The following RNASEH2B variants were observed in gnomAD, a reference collection of about 807,000 sequenced individuals.
RNASEH2B encodes Aicardi-Goutieres syndrome 2 protein.
A neutral mutation model predicts 45.0 loss-of-function variants in RNASEH2B; 36 were observed. The observed-to-expected ratio is 0.80, with a 90% CI of 0.61 to 1.06. RNASEH2B has a LOEUF of 1.06. RNASEH2B is among the 50% of genes least tolerant of loss of function. The pLI, the probability that RNASEH2B is intolerant of heterozygous loss-of-function variation, is 0.00. For synonymous variants in RNASEH2B, 119 were observed against 125.7 expected (o/e 0.95, Z 0.35); for missense variants, 361 against 360.3 (o/e 1.00, Z -0.02).
chr13:50,914,818 A>G (rs1221491204), intron 1 of RNASEH2B, among the ~76,000 whole-genome samples: 1 of 152,232 alleles, frequency 6.6e-6, no homozygotes, highest in Non-Finnish European at 1.5e-5. Context: ...ATAAAAGGAA[A>G]GCAAGCAGTG....
In RNASEH2B at chr13:50,934,911, T is replaced by C. The variant is rs766196712; in HGVS notation, c.348T>C (p.Val116=). 1.2e-6 allele frequency: 2 copies of C among 1,613,760 alleles called. No individual in the cohort carries two copies. The highest frequency in any genetic ancestry group is 2.2e-5 in the East Asian group (1 of 44,882). The change falls in exon 5 of 11, where the codon GTT becomes GTC. Residue 116 remains valine (V), a synonymous_variant. Coordinates refer to ENST00000336617, the MANE Select transcript of RNASEH2B (RefSeq NM_024570.4). The stretch of plus-strand genomic sequence containing the variant: ...GGAAGTTTCAGCCCCTTGATCAAGT[T>C]GTGGTGGATAACGTGTTTCCAAATT... ...KEGKFQPLDQ[V]VVDNVFPNCI...
At chr13:50,936,688 A>G (rs1443594596) in intron 5 of RNASEH2B, 4 of 152,244 alleles carry the variant, frequency 2.6e-5, no homozygotes, top group Admixed American at 2.6e-4. Context: ...ACTTAATGCA[A>G]GCTGAAAATG....
chr13:50,953,832 TG>T (rs1952007171), intron 9 of RNASEH2B, 72 bp from the exon 10 acceptor site: 1 of 1,016,224 alleles, frequency 9.8e-7, no homozygotes, highest in Admixed American at 1.8e-5. Flanking sequence ...TTATACATGT[TG>T]GGTTTTTTTT....
intron 6 of RNASEH2B, among the ~76,000 whole-genome samples, chr13:50,944,523 G>A (rs149907340): frequency 0.067 from 10,241 of 152,152 alleles, 354 homozygotes; most frequent in Middle Eastern, 0.2. Flanking sequence ...AAACCTAGAT[G>A]ATGGGTTGAT....
chr13:50,910,048 C>T lies in RNASEH2B; in HGVS notation c.-29C>T. 6.8e-7 allele frequency: 1 copy of T among 1,463,878 alleles called. No homozygotes were observed. Among genetic ancestry groups the T allele is most frequent in the Admixed American group, 2.6e-5 (1 of 38,764 alleles). The allele number at this position is 1,463,878 out of a possible 1,614,324, so 90.7% of individuals were successfully genotyped here. A position where few individuals can be genotyped will look rare whatever the true frequency, so the allele number is the denominator to read the frequency against. On this transcript the variant is annotated 5_prime_UTR_variant, in exon 1 of 11. Coordinates refer to ENST00000336617, the MANE Select transcript of RNASEH2B (RefSeq NM_024570.4). ...GGAGACTGAGGCCCGCGGCGCTGAG[C>T]CTGCGGCGCCCCGGAAGAGGCGGGC...
At chr13:50,950,419 A>G (rs1390499810) in intron 9 of RNASEH2B, 1 of 152,168 alleles carries the variant, frequency 6.6e-6, no homozygotes, top group Admixed American at 6.5e-5. Flanking sequence ...TTGAAAGTAC[A>G]GCAGTGTTTG....
chr13:50,966,579 A>G (rs1176920667), intron 9 of RNASEH2B, among the ~76,000 whole-genome samples: 6 of 151,616 alleles, frequency 4.0e-5, no homozygotes, highest in Non-Finnish European at 7.4e-5. Context: ...TTTATCTTCA[A>G]TTTAAATTTA....
chr13:50,914,359 G>C (rs1468500674), intron 1 of RNASEH2B, among the ~76,000 whole-genome samples: 1 of 152,194 alleles, frequency 6.6e-6, no homozygotes, highest in African/African-American at 2.4e-5. Flanking sequence ...TTTCAGAAGA[G>C]ATGAACTTCA....
chr13:50,949,527 A>G (rs1951950405), intron 9 of RNASEH2B, 22 bp downstream of exon 9: 1 of 1,607,596 alleles, frequency 6.2e-7, no homozygotes, highest in African/African-American at 1.3e-5. Context: ...TGACTAAGAT[A>G]TCTTTGGGGG....
intron 5 of RNASEH2B, chr13:50,935,804 G>A (rs1331216278): frequency 6.5e-6 from 1 of 152,816 alleles, no homozygotes; most frequent in African/African-American, 2.4e-5. Context: ...GGCCCTGTGT[G>A]TGTTTGGACT....
In RNASEH2B at chr13:50,956,312, A is replaced by C. The variant is rs367543519; in HGVS notation, c.823-46A>C. 13 of 1,426,152 alleles carry C rather than the reference A, an allele frequency of 9.1e-6. No individual in the cohort carries two copies. The African/African-American group carries it at 1.7e-4, about 19-fold the overall frequency. 88.3% of individuals were successfully genotyped at this position (1,426,152 alleles called of 1,614,324 possible). ...TCTTTGATTTCCATATATGATTAAT[A>C]AATGTTACATTCATAACAATTTTTC... On this transcript the variant is annotated intron_variant, in intron 10 of 10. Transcript: ENST00000336617.
chr13:50,967,548 C>T (rs1251355761), intron 9 of RNASEH2B, among the ~76,000 whole-genome samples: 1 of 152,122 alleles, frequency 6.6e-6, no homozygotes, highest in Non-Finnish European at 1.5e-5. Context: ...CAGCTCATTT[C>T]CCCAACATCA....
intron 1 of RNASEH2B, among the ~76,000 whole-genome samples, chr13:50,920,007 G>GTGTTTTGTTTTGTTTTGTTTTGTTT (rs201084919): frequency 6.7e-6 from 1 of 149,660 alleles, no homozygotes; most frequent in African/African-American, 2.5e-5. Context: ...TTTGTTGAGG[G>GTGTTTTGTTTTGTTTTGTTTTGTTT]TGTTTTGTTT....
chr13:50,924,559 A>G (rs1029845440), intron 1 of RNASEH2B, among the ~76,000 whole-genome samples: 26 of 152,156 alleles, frequency 1.7e-4, no homozygotes, highest in Admixed American at 4.6e-4. Flanking sequence ...CAATTGAACA[A>G]TAACAGTGTT....
chr13:50,931,989 T>G (rs1191508117), intron 4 of RNASEH2B, among the ~76,000 whole-genome samples: 1 of 116,694 alleles, frequency 8.6e-6, no homozygotes, highest in Non-Finnish European at 1.9e-5. Context: ...CACACTCCCT[T>G]TTGTTAATAT....
chr13:50,959,687 A>T (rs574180034), downstream of RNASEH2B: 1 of 152,244 alleles, frequency 6.6e-6, no homozygotes, highest in Non-Finnish European at 1.5e-5. Context: ...TCCCAACCTC[A>T]GGTGATCCAT....
downstream of RNASEH2B, among the ~76,000 whole-genome samples, chr13:50,960,421 G>T (rs2138034963): frequency 6.6e-6 from 1 of 152,174 alleles, no homozygotes; most frequent in African/African-American, 2.4e-5. Flanking sequence ...TGTCTAATTG[G>T]TGATTTTATT....
intron 2 of RNASEH2B, among the ~76,000 whole-genome samples, chr13:50,929,132 C>T (rs1054096432): frequency 7.2e-5 from 11 of 152,086 alleles, no homozygotes; most frequent in Admixed American, 3.3e-4. Context: ...CGTGCCAGCT[C>T]ATGTCATATG....
Position 50,969,534 on chromosome 13 carries a change from A to AAG in RNASEH2B, c.742-397_742-396insGA, listed in dbSNP as rs569866548. Among the ~76,000 whole-genome samples, 24 of 151,892 alleles carry AAG rather than the reference A, an allele frequency of 1.6e-4. No homozygotes were observed. In the East Asian group the frequency reaches 4.3e-3, roughly 27 times the overall value. ...GGAACTGCCTCTACAAAAAAAAAAA[A>AAG]AAAAGAAAAATGGTTTAAGAATTAC... On this transcript the variant is annotated intron_variant, in intron 9 of 9. Transcript: ENST00000422660.
Sources: gnomAD v4.1 joint callset for allele counts (sites outside exome capture counted in the v4.1 genomes callset) on GRCh38, gnomAD v4.1.1 for gene constraint, MANE v1.5 for transcripts, NCBI Gene and HGNC (gene_info 2026-07-23, HGNC 2026-07-21) for gene names.